FHIP2B: variants seen among roughly 807,000 people sequenced by gnomAD.
FHIP2B encodes FHF complex subunit HOOK interacting protein 2B, also known as FHF complex subunit HOOK-interacting protein 2B.
A neutral mutation model predicts 84.0 loss-of-function variants in FHIP2B; 72 were observed. The ratio of observed to expected loss-of-function variants is 0.86; its 90% CI spans 0.71 to 1.04. The LOEUF is 1.04. Among genes scored for constraint, FHIP2B ranks in the 50% least tolerant of loss-of-function variants. FHIP2B has a pLI of 0.00. For synonymous variants in FHIP2B, 497 were observed against 418.7 expected, an observed-to-expected ratio of 1.19 and a Z score of -2.28; for missense variants, 972 against 968.9, an observed-to-expected ratio of 1.00 and a Z score of -0.04.
At chr8:22,097,173 T>C (rs6557807) in intron 3 of FHIP2B, 344,642 of 354,202 alleles carry the variant, frequency 0.97, 168,244 homozygotes, top group East Asian at 1. Flanking sequence ...CCAGGAAGGC[T>C]AGTTTCGAAC....
At position 22,089,210 on chromosome 8, in the gene FHIP2B, TGCC is replaced by T; in HGVS notation, c.-35_-33del. ...GGGCTGCCTCCTCCGCCTAGAGCGC[TGCC>T]GCCGCCGCTTTCGCCCGGGAGCCGG... On this transcript the variant is annotated 5_prime_UTR_variant, in exon 1 of 17. Transcript: ENST00000289921. The T allele has an allele frequency of 1.9e-6, 2 of 1,051,922 alleles. No individual in the cohort carries two copies. The highest frequency in any genetic ancestry group is 2.3e-6 in the Non-Finnish European group (2 of 873,374). The allele number at this position is 1,051,922 out of a possible 1,614,324, so 65.2% of individuals were successfully genotyped here. A position where few individuals can be genotyped will look rare whatever the true frequency, so the allele number is the denominator to read the frequency against.
chr8:22,099,604 T>C, intron 9 of FHIP2B, 100 bp from the exon 10 acceptor site: 1 of 1,369,584 alleles, frequency 7.3e-7, no homozygotes, highest in South Asian at 1.4e-5. Context: ...ACCACAGACA[T>C]ACCAGCCAAA....
At chr8:22,089,385 G>A (rs1825340917) in intron 1 of FHIP2B, 87 bp downstream of exon 1, 14 of 827,926 alleles carry the variant, frequency 1.7e-5, no homozygotes, top group Non-Finnish European at 1.7e-5. Flanking sequence ...CGGCCCGCAG[G>A]AGGGCGGGCG....
chr8:22,097,631 C>G lies in FHIP2B; in HGVS notation c.402+11C>G. 6.2e-7 allele frequency: 1 copy of G among 1,603,658 alleles called. No homozygotes were observed. Among genetic ancestry groups the G allele is most frequent in the Non-Finnish European group, 8.5e-7 (1 of 1,175,522 alleles). ...CACAGGCCTGTGCAGGTGAGGGGCC[C>G]GGAAGCCAAGGGGTGTCTGGGTGTG... On this transcript the variant is annotated intron_variant, in intron 4 of 16. Transcript: ENST00000289921.
At chr8:22,101,211 C>G (rs1826094179) in intron 12 of FHIP2B, 3 of 648,396 alleles carry the variant, frequency 4.6e-6, no homozygotes, top group Non-Finnish European at 7.8e-6. Context: ...TTAGTAGAGA[C>G]TGGGTTTCCC....
chr8:22,098,290 C>A lies in FHIP2B; in HGVS notation c.748C>A (p.Leu250Ile). Residue 250 changes from leucine to isoleucine, a missense_variant, in exon 6 of 17, where the codon CTT (leucine) becomes ATT (isoleucine). Leu to Ile is a conservative substitution (Grantham distance 5). Coordinates refer to ENST00000289921, the MANE Select transcript of FHIP2B (RefSeq NM_022749.7). ...TTESNLITSL[L>I]GLCQSKKSRV... ...AGAGAGCAACCTGATTACCTCCCTGCTTGGGCTGTGCCAGAGCAAGGTGCT... is the reference window on the plus strand; with the variant it reads ...AGAGAGCAACCTGATTACCTCCCTGATTGGGCTGTGCCAGAGCAAGGTGCT... 1 of 1,441,878 alleles carries A rather than the reference C, an allele frequency of 6.9e-7. No individual in the cohort carries two copies. Among genetic ancestry groups the A allele is most frequent in the East Asian group, 2.9e-5 (1 of 34,186 alleles). 89.3% of individuals were successfully genotyped at this position (1,441,878 alleles called of 1,614,324 possible).
chr8:22,093,316 G>GTTTTGT lies in FHIP2B; in HGVS notation c.46-1123_46-1122insTTTGTT, dbSNP rs10651878. ...ACTCTGCAAGAAAAGCGAAGGAATGGTGTTGTTGTTGTTGTTGTTGTTGTT... is the reference window on the plus strand; with the variant it reads ...ACTCTGCAAGAAAAGCGAAGGAATGGTTTTGTTGTTGTTGTTGTTGTTGTTGTTGTT... On this transcript the variant is annotated intron_variant, in intron 1 of 16. Coordinates refer to ENST00000289921, the MANE Select transcript of FHIP2B (RefSeq NM_022749.7). Among the ~76,000 whole-genome samples, 53 of 151,476 alleles carry GTTTTGT rather than the reference G, an allele frequency of 3.5e-4. 1 individual carries two copies. The South Asian group carries it at 3.7e-3, about 11-fold the overall frequency.
In FHIP2B at chr8:22,100,888, C is replaced by T. The variant is rs773503014; in HGVS notation, c.1532C>T (p.Ser511Phe). The T allele has an allele frequency of 2.5e-6, 4 of 1,613,938 alleles. No homozygotes were observed. The highest frequency in any genetic ancestry group is 3.4e-6 in the Non-Finnish European group (4 of 1,179,898). Reference protein sequence around the residue: ...DPYFTDSFLDSGFQTPAKPRL... With the variant: ...DPYFTDSFLDFGFQTPAKPRL... ...TACTTCACCGACAGCTTCCTGGATTCCGGCTTTCAAACTCCCGCAAAGCCT... is the reference window on the plus strand; with the variant it reads ...TACTTCACCGACAGCTTCCTGGATTTCGGCTTTCAAACTCCCGCAAAGCCT... Residue 511 changes from serine (S) to phenylalanine (F), a missense_variant, in exon 12 of 17, where the codon TCC becomes TTC. Transcript: ENST00000289921.
chr8:22,100,573 C>A (rs753170653), intron 10 of FHIP2B, 21 bp from the exon 11 acceptor site: 2 of 1,521,338 alleles, frequency 1.3e-6, no homozygotes, highest in Non-Finnish European at 1.8e-6. Context: ...GGCTATCCTG[C>A]CGACCCCCTT....
In FHIP2B at chr8:22,103,560, G is replaced by A. The variant is rs1053834626; in HGVS notation, c.*629G>A. 1 of 152,456 alleles carries A rather than the reference G, an allele frequency of 6.6e-6. No individual in the cohort carries two copies. The highest frequency in any genetic ancestry group is 1.5e-5 in the Non-Finnish European group (1 of 68,214). The allele number at this position is 152,456 out of a possible 1,614,324, so 9.4% of individuals were successfully genotyped here. On this transcript the variant is annotated 3_prime_UTR_variant, in exon 17 of 17. Transcript: ENST00000289921. The stretch of plus-strand genomic sequence containing the variant: ...AAGCATGTTCCGCACCCAGGCGGGG[G>A]CCCCTGCTAATGAGAACCTTGGTGC...
intron 5 of FHIP2B, 59 bp from the exon 6 acceptor site, chr8:22,098,009 G>T: frequency 1.3e-6 from 2 of 1,537,168 alleles, no homozygotes; most frequent in South Asian, 2.5e-5. Flanking sequence ...TGCGGTCCCA[G>T]TGGGGGACCC....
At chr8:22,102,122 A>G in intron 14 of FHIP2B, 53 bp from the exon 15 acceptor site, 3 of 1,612,116 alleles carry the variant, frequency 1.9e-6, no homozygotes, top group South Asian at 1.1e-5. Flanking sequence ...GGGGAGTGCA[A>G]AAATACTCAC....
At chr8:22,090,375 G>T (rs1825423813) in intron 1 of FHIP2B, among the ~76,000 whole-genome samples, 4 of 152,194 alleles carry the variant, frequency 2.6e-5, no homozygotes, top group Non-Finnish European at 5.9e-5. Flanking sequence ...GCAAAGTTGG[G>T]AAGAAAGTCA....
Position 22,098,153 on chromosome 8 carries a change from G to A in FHIP2B, c.611G>A (p.Cys204Tyr), listed in dbSNP as rs749985467. ...KDTTSHGDKDCSHDGAPARPQ... is the reference protein window; with the variant it reads ...KDTTSHGDKDYSHDGAPARPQ... ...ACAACCAGCCACGGGGACAAGGACT[G>A]CTCCCACGATGGTGCTCCTGCCAGG... The change falls in exon 6 of 17, where the codon TGC becomes TAC. Residue 204 changes from cysteine (C) to tyrosine (Y), a missense_variant. By Grantham distance (194) the Cys-to-Tyr change is radical. Coordinates refer to ENST00000289921, the MANE Select transcript of FHIP2B (RefSeq NM_022749.7). The A allele has an allele frequency of 1.3e-6, 2 of 1,577,052 alleles. No homozygotes were observed. Among genetic ancestry groups the A allele is most frequent in the East Asian group, 4.7e-5 (2 of 42,674 alleles).
chr8:22,098,342 T>C (rs1354911299), intron 6 of FHIP2B, 32 bp downstream of exon 6: 1 of 280,344 alleles, frequency 3.6e-6, no homozygotes, highest in Non-Finnish European at 6.0e-6. Context: ...AGGTTGGGGG[T>C]GGGGGAAGGG....
Position 22,101,546 on chromosome 8 carries a change from T to C in FHIP2B, c.1707+16T>C. 6.2e-7 allele frequency: 1 copy of C among 1,605,738 alleles called. No homozygotes were observed. The highest frequency in any genetic ancestry group is 8.5e-7 in the Non-Finnish European group (1 of 1,174,466). On this transcript the variant is annotated intron_variant, in intron 13 of 16. Coordinates refer to ENST00000289921, the MANE Select transcript of FHIP2B (RefSeq NM_022749.7). Reference sequence around the variant, plus strand: ...TTATGGCCTGGTGAGTGGCTCCTGCTACCAGCTCCCACTTCCTGTCCTTCA... The same window carrying C: ...TTATGGCCTGGTGAGTGGCTCCTGCCACCAGCTCCCACTTCCTGTCCTTCA...
intron 1 of FHIP2B, among the ~76,000 whole-genome samples, chr8:22,090,153 T>TGTG (rs1554573642): frequency 1.0e-5 from 1 of 97,796 alleles, no homozygotes; most frequent in Non-Finnish European, 2.1e-5. Context: ...CCCGGTAGGG[T>TGTG]GGGGGGGGTG....
chr8:22,094,252 A>G (rs1004578413), intron 1 of FHIP2B, among the ~76,000 whole-genome samples, 188 bp from the exon 2 acceptor site: 5 of 152,022 alleles, frequency 3.3e-5, no homozygotes, highest in Non-Finnish European at 5.9e-5. Flanking sequence ...CTGTCAGGAG[A>G]TCCTTGGCAA....
chr8:22,101,783 G>C lies in FHIP2B; in HGVS notation c.1783G>C (p.Glu595Gln), dbSNP rs765411743. The part of the protein sequence containing the change: ...TPTPLDPHEP[E>Q]RPFFEGHFLR... ...CACACCTTTGGACCCCCATGAGCCCGAGCGACCTTTCTTCGAGGGCCACTT... is the reference window on the plus strand; with the variant it reads ...CACACCTTTGGACCCCCATGAGCCCCAGCGACCTTTCTTCGAGGGCCACTT... Residue 595 changes from glutamate (E) to glutamine (Q), a missense_variant, in exon 14 of 17, where the codon GAG (glutamate) becomes CAG (glutamine). Glu to Gln is a conservative substitution (Grantham distance 29, BLOSUM62 2). Coordinates refer to ENST00000289921, the MANE Select transcript of FHIP2B (RefSeq NM_022749.7). 4 of 1,613,400 alleles carry C rather than the reference G, an allele frequency of 2.5e-6. No homozygotes were observed. The highest frequency in any genetic ancestry group is 2.5e-6 in the Non-Finnish European group (3 of 1,179,758).
Sources: gnomAD v4.1 joint callset for allele counts (sites outside exome capture counted in the v4.1 genomes callset) on GRCh38, gnomAD v4.1.1 for gene constraint, MANE v1.5 for transcripts, NCBI Gene and HGNC (gene_info 2026-07-23, HGNC 2026-07-21) for gene names.